Variants in TTC28 observed in about 807,000 individuals in gnomAD.
TTC28 encodes the protein tetratricopeptide repeat domain 28, also known as tetratricopeptide repeat protein 28.
Under a neutral mutation model 198.0 loss-of-function variants are expected in TTC28, and 61 were observed. The observed-to-expected ratio is 0.31, with a 90% CI of 0.25 to 0.38. The LOEUF (loss-of-function observed/expected upper bound fraction) is 0.38, where lower values mean the gene tolerates loss of function less well. Among genes scored for constraint, TTC28 ranks in the 10% least tolerant of loss-of-function variants. TTC28 has a pLI of 1.00. For synonymous variants in TTC28, 1,171 were observed against 1,297.8 expected (o/e 0.90, Z 2.10); for missense variants, 2,678 against 3,164.0 (o/e 0.85, Z 3.69).
chr22:28,278,031 A>G (rs2044504084), intron 5 of TTC28, among the ~76,000 whole-genome samples: 1 of 152,124 alleles, frequency 6.6e-6, no homozygotes, highest in Non-Finnish European at 1.5e-5. Context: ...AGTCTCTGAT[A>G]TGTCAGGTTA....
intron 2 of TTC28, among the ~76,000 whole-genome samples, chr22:28,579,387 G>C (rs1033406666): frequency 1.4e-5 from 2 of 148,018 alleles, no homozygotes; most frequent in Non-Finnish European, 3.0e-5. Context: ...AGTATACATA[G>C]CTATATACAT....
At chr22:27,998,386 G>T (rs1331869313) in intron 16 of TTC28, 154 bp downstream of exon 16, 3 of 1,269,656 alleles carry the variant, frequency 2.4e-6, no homozygotes, top group Non-Finnish European at 3.2e-6. Flanking sequence ...TTTGGCAGAA[G>T]CAAGACTCAG....
At chr22:28,589,161 C>T (rs1445203727) in intron 2 of TTC28, among the ~76,000 whole-genome samples, 1 of 152,134 alleles carries the variant, frequency 6.6e-6, no homozygotes, top group African/African-American at 2.4e-5. Context: ...ACTACCAGTC[C>T]CCTATCTTCC....
chr22:28,633,051 G>A (rs1267982084), intron 1 of TTC28, among the ~76,000 whole-genome samples: 1 of 152,002 alleles, frequency 6.6e-6, no homozygotes. Context: ...AGGCCGAGGT[G>A]GGCGGATCAC....
chr22:28,058,392 C>G (rs781481192), intron 12 of TTC28, among the ~76,000 whole-genome samples: 2 of 152,038 alleles, frequency 1.3e-5, no homozygotes, highest in East Asian at 1.9e-4. Flanking sequence ...TTGGGAAGAG[C>G]TGACATCTTA....
chr22:28,558,791 G>T (rs903480249), intron 2 of TTC28, among the ~76,000 whole-genome samples: 1 of 152,172 alleles, frequency 6.6e-6, no homozygotes, highest in East Asian at 1.9e-4. Context: ...AGCACTTTGG[G>T]AGGCCAAGAC....
At chr22:28,248,140 T>C (rs1930243230) in intron 5 of TTC28, among the ~76,000 whole-genome samples, 1 of 152,196 alleles carries the variant, frequency 6.6e-6, no homozygotes, top group Non-Finnish European at 1.5e-5. Context: ...AACTCTGCAG[T>C]AAGGCTGGGG....
At chr22:28,395,976 G>A (rs921976657) in intron 2 of TTC28, among the ~76,000 whole-genome samples, 1 of 152,096 alleles carries the variant, frequency 6.6e-6, no homozygotes, top group East Asian at 1.9e-4. Flanking sequence ...AACTCAGAGA[G>A]GTTAAGTGGT....
chr22:28,441,199 G>T (rs529818904), intron 2 of TTC28, among the ~76,000 whole-genome samples: 18 of 152,296 alleles, frequency 1.2e-4, no homozygotes, highest in Admixed American at 3.9e-4. Context: ...GGTTTCCACA[G>T]ACATAACCAC....
At chr22:28,189,805 T>C (rs1056060224) in intron 5 of TTC28, among the ~76,000 whole-genome samples, 13 of 151,966 alleles carry the variant, frequency 8.6e-5, no homozygotes, top group African/African-American at 2.9e-4. Context: ...AGAATTTTAA[T>C]ACACTTAAAG....
In TTC28 at chr22:28,304,701, T is replaced by G. The variant is rs565480237; in HGVS notation, c.529+1795A>C. Among the ~76,000 whole-genome samples, 3 of 152,284 alleles carry G rather than the reference T, an allele frequency of 2.0e-5. No individual in the cohort carries two copies. In the East Asian group the frequency reaches 5.8e-4, roughly 29 times the overall value. On this transcript the variant is annotated intron_variant, in intron 3 of 22. Coordinates refer to ENST00000397906, the MANE Select transcript of TTC28 (RefSeq NM_001145418.2). The stretch of plus-strand genomic sequence containing the variant: ...ATAGATCGCTTCAAAGGCAAAATGG[T>G]AAGTATGATTCTACTGATCTCAACA...
At chr22:28,077,769 T>A (rs998357657) in intron 12 of TTC28, among the ~76,000 whole-genome samples, 2 of 152,270 alleles carry the variant, frequency 1.3e-5, no homozygotes, top group Non-Finnish European at 2.9e-5. Context: ...AGCTATAGTT[T>A]ATCAAGGTTT....
chr22:28,001,693 A>G lies in TTC28; in HGVS notation c.4219-140T>C, dbSNP rs566200207. 3.4e-4 allele frequency: 345 copies of G among 1,008,164 alleles called. 6 individuals carry two copies. The South Asian group carries it at 5.5e-3, about 16-fold the overall frequency. 62.5% of individuals were successfully genotyped at this position (1,008,164 alleles called of 1,614,324 possible). ...GTGGGGGTGTGGGGCGCCATGGGGC[A>G]TGGGCCGAGTTGCAGCCCTGCAGGA... On this transcript the variant is annotated intron_variant, in intron 14 of 22. Transcript: ENST00000397906.
chr22:27,993,948 C>A, intron 17 of TTC28, among the ~76,000 whole-genome samples: 1 of 152,238 alleles, frequency 6.6e-6, no homozygotes, highest in Admixed American at 6.5e-5. Flanking sequence ...GCTGGCAATG[C>A]CCTTCTTCCC....
At chr22:28,526,496 C>T (rs981966744) in intron 2 of TTC28, among the ~76,000 whole-genome samples, 4 of 152,060 alleles carry the variant, frequency 2.6e-5, no homozygotes, top group Non-Finnish European at 5.9e-5. Context: ...ATGCAGTGGG[C>T]AAGAATAGCA....
At chr22:28,133,781 G>A (rs774680087) in intron 6 of TTC28, among the ~76,000 whole-genome samples, 1 of 152,210 alleles carries the variant, frequency 6.6e-6, no homozygotes, top group East Asian at 1.9e-4. Flanking sequence ...TCCACCTCTG[G>A]GGGCAGGGCA....
intron 12 of TTC28, among the ~76,000 whole-genome samples, chr22:28,043,442 T>C (rs1184622143): frequency 6.6e-6 from 1 of 151,884 alleles, no homozygotes; most frequent in African/African-American, 2.4e-5. Context: ...TGGCTAGTTC[T>C]ATAGGCTGTG....
chr22:28,471,329 G>A (rs543221266), intron 2 of TTC28, among the ~76,000 whole-genome samples: 4 of 152,124 alleles, frequency 2.6e-5, no homozygotes, highest in South Asian at 2.1e-4. Flanking sequence ...TTTGATTAGC[G>A]ATGCAGAAAA....
chr22:28,062,260 C>T (rs1009454636), intron 12 of TTC28, among the ~76,000 whole-genome samples: 1 of 151,874 alleles, frequency 6.6e-6, no homozygotes, highest in Non-Finnish European at 1.5e-5. Context: ...GGGGTTTCAC[C>T]ATGTTGGTCA....
Sources: allele counts gnomAD v4.1 joint callset (sites outside exome capture counted in the v4.1 genomes callset), GRCh38; gene constraint gnomAD v4.1.1; transcripts MANE v1.5; gene names NCBI Gene and HGNC (gene_info 2026-07-23, HGNC 2026-07-21).